PLCB1: variants seen among roughly 807,000 people sequenced by gnomAD.
The protein encoded by PLCB1 is phospholipase C beta 1.
Under a neutral mutation model 161.8 loss-of-function variants are expected in PLCB1, and 46 were observed. That is an observed-to-expected ratio of 0.28 (90% CI 0.22 to 0.36). PLCB1 has a LOEUF of 0.36. Among genes scored for constraint, PLCB1 ranks in the 10% least tolerant of loss-of-function variants. The pLI, the probability that PLCB1 is intolerant of heterozygous loss-of-function variation, is 1.00. For missense variants in PLCB1, 1,016 were observed against 1,472.5 expected (o/e 0.69, Z 5.07); for synonymous variants, 517 against 503.7 (o/e 1.03, Z -0.35).
chr20:8,582,984 A>G (rs6086516), intron 3 of PLCB1, among the ~76,000 whole-genome samples: 89,539 of 146,230 alleles, frequency 0.61, 29,495 homozygotes, highest in African/African-American at 0.87. Flanking sequence ...GTGAGACTCC[A>G]TCTCAAAAAA....
chr20:8,562,058 C>G (rs6039193), intron 3 of PLCB1, among the ~76,000 whole-genome samples: 86,707 of 151,744 alleles, frequency 0.57, 25,353 homozygotes, highest in African/African-American at 0.66. Context: ...GAAGAGCAAA[C>G]GGTCTTCGCT....
chr20:8,662,363 T>G (rs1280257159), intron 9 of PLCB1, among the ~76,000 whole-genome samples: 1 of 128,726 alleles, frequency 7.8e-6, no homozygotes, highest in Admixed American at 8.4e-5. Flanking sequence ...TGTAATTATT[T>G]ATTATATAAT....
chr20:8,744,624 A>T (rs1392991821), intron 23 of PLCB1, among the ~76,000 whole-genome samples: 1 of 144,586 alleles, frequency 6.9e-6, no homozygotes, highest in African/African-American at 2.6e-5. Context: ...AATAAATAAA[A>T]TAAAATAAAA....
intron 31 of PLCB1, among the ~76,000 whole-genome samples, chr20:8,795,372 G>A (rs1349406995): frequency 6.6e-6 from 1 of 152,180 alleles, no homozygotes; most frequent in African/African-American, 2.4e-5. Context: ...GTTGTACATT[G>A]CTGCACATAA....
intron 3 of PLCB1, among the ~76,000 whole-genome samples, chr20:8,622,378 C>A (rs1391534166): frequency 2.0e-5 from 3 of 152,182 alleles, no homozygotes; most frequent in Middle Eastern, 3.4e-3. Flanking sequence ...ATAATCACTT[C>A]TTTAATGTTG....
At chr20:8,177,287 G>T (rs75673843) in intron 2 of PLCB1, among the ~76,000 whole-genome samples, 8,445 of 152,136 alleles carry the variant, frequency 0.056, 766 homozygotes, top group African/African-American at 0.19. Context: ...TTCATAGAAG[G>T]CACCTTCTGT....
At chr20:8,504,861 G>A (rs1434814595) in intron 3 of PLCB1, among the ~76,000 whole-genome samples, 1 of 152,184 alleles carries the variant, frequency 6.6e-6, no homozygotes, top group African/African-American at 2.4e-5. Context: ...CTGGAAGGAA[G>A]ATATTGGATA....
intron 4 of PLCB1, among the ~76,000 whole-genome samples, chr20:8,637,795 A>T (rs1988809705): frequency 6.6e-6 from 1 of 152,224 alleles, no homozygotes; most frequent in African/African-American, 2.4e-5. Flanking sequence ...ACTCATGTAA[A>T]TTTTTATTAT....
chr20:8,833,493 A>G (rs1401626009), intron 31 of PLCB1, among the ~76,000 whole-genome samples: 1 of 152,186 alleles, frequency 6.6e-6, no homozygotes, highest in East Asian at 1.9e-4. Context: ...CAGCCAAACC[A>G]TATCGATGTA....
At chr20:8,767,797 G>A (rs1032410408) in intron 26 of PLCB1, among the ~76,000 whole-genome samples, 3 of 152,174 alleles carry the variant, frequency 2.0e-5, no homozygotes, top group Admixed American at 1.3e-4. Context: ...TGTCATATCA[G>A]TTTCCTAGGA....
At chr20:8,198,719 G>A (rs1266867353) in intron 2 of PLCB1, among the ~76,000 whole-genome samples, 1 of 151,958 alleles carries the variant, frequency 6.6e-6, no homozygotes, top group Non-Finnish European at 1.5e-5. Context: ...CTAGATATCT[G>A]ACACTAGTGC....
At chr20:8,608,219 CAGAG>C (rs1987811889) in intron 3 of PLCB1, among the ~76,000 whole-genome samples, 1 of 151,956 alleles carries the variant, frequency 6.6e-6, no homozygotes, top group Non-Finnish European at 1.5e-5. Flanking sequence ...TTAAAATAGC[CAGAG>C]AGAGCACAAA....
intron 3 of PLCB1, among the ~76,000 whole-genome samples, chr20:8,409,956 G>A (rs1453799340): frequency 3.9e-5 from 6 of 152,108 alleles, no homozygotes; most frequent in Admixed American, 6.5e-5. Flanking sequence ...TGCAGATAAT[G>A]AGTTGAGTCT....
At chr20:8,485,374 T>G (rs555664523) in intron 3 of PLCB1, among the ~76,000 whole-genome samples, 81 of 152,376 alleles carry the variant, frequency 5.3e-4, no homozygotes, top group African/African-American at 1.9e-3. Flanking sequence ...GTTCTCGTGC[T>G]GATGATTAAC....
intron 2 of PLCB1, among the ~76,000 whole-genome samples, chr20:8,323,444 A>G (rs1325785366): frequency 6.6e-6 from 1 of 152,130 alleles, no homozygotes; most frequent in Non-Finnish European, 1.5e-5. Flanking sequence ...GCATCTCAAA[A>G]GCTTCCTTCC....
chr20:8,281,039 C>A (rs895701396), intron 2 of PLCB1, among the ~76,000 whole-genome samples: 3 of 152,114 alleles, frequency 2.0e-5, no homozygotes, highest in Admixed American at 2.0e-4. Flanking sequence ...GCCTGTGTAC[C>A]TTTCTATGGC....
At position 8,506,956 on chromosome 20, in the gene PLCB1, C is replaced by T. The variant is rs114150170; in HGVS notation, c.247-121338C>T. Among the ~76,000 whole-genome samples the T allele has an allele frequency of 8.2e-3, 1,250 of 152,082 alleles. 15 individuals are homozygous for T. Among genetic ancestry groups the T allele is most frequent in the African/African-American group, 0.028 (1,169 of 41,472 alleles). On this transcript the variant is annotated intron_variant, in intron 3 of 31. Coordinates refer to ENST00000338037, the MANE Select transcript of PLCB1 (RefSeq NM_015192.4). ...CTGACTCTTTACATAGTCAAAAATC[C>T]ACTTATAACTCTTGACTCCCTAAAA...
intron 3 of PLCB1, among the ~76,000 whole-genome samples, chr20:8,417,339 C>T (rs1979345533): frequency 6.6e-6 from 1 of 151,064 alleles, no homozygotes; most frequent in Non-Finnish European, 1.5e-5. Context: ...ATTATGTATA[C>T]ACACACATAT....
chr20:8,168,823 G>T (rs897580497), intron 2 of PLCB1, among the ~76,000 whole-genome samples: 2 of 151,918 alleles, frequency 1.3e-5, no homozygotes, highest in African/African-American at 2.4e-5. Flanking sequence ...AAAACACTGG[G>T]AAAATGGAAA....
Sources: gnomAD v4.1 joint callset for allele counts (sites outside exome capture counted in the v4.1 genomes callset) on GRCh38, gnomAD v4.1.1 for gene constraint, MANE v1.5 for transcripts, NCBI Gene and HGNC (gene_info 2026-07-23, HGNC 2026-07-21) for gene names.